The following PTPRN2 variants were observed in gnomAD, a reference collection of about 807,000 sequenced individuals.
The protein encoded by PTPRN2 is protein tyrosine phosphatase receptor type N2.
In PTPRN2, 74 loss-of-function variants were observed where a neutral mutation model predicts 118.8. That is an observed-to-expected ratio of 0.62 (90% CI 0.52 to 0.76). The LOEUF (loss-of-function observed/expected upper bound fraction) is 0.76. Ranked by LOEUF, PTPRN2 falls within the 30% of genes least tolerant of loss-of-function variation. The probability of loss-of-function intolerance (pLI) is 0.00; values close to 1 mark genes in which losing one functional copy is unlikely to be tolerated. For missense variants in PTPRN2, 1,481 were observed against 1,394.4 expected (o/e 1.06, Z -0.99); for synonymous variants, 641 against 608.0 (o/e 1.05, Z -0.80).
At chr7:157,721,074 G>T (rs571655684) in intron 12 of PTPRN2, among the ~76,000 whole-genome samples, 1 of 152,226 alleles carries the variant, frequency 6.6e-6, no homozygotes, top group Non-Finnish European at 1.5e-5. Context: ...CAGCCGTGGT[G>T]TGTGTGCTCT....
At chr7:158,575,662 G>A (rs1055781181) in intron 1 of PTPRN2, among the ~76,000 whole-genome samples, 3 of 152,124 alleles carry the variant, frequency 2.0e-5, no homozygotes, top group East Asian at 1.9e-4. Context: ...CAATGTGCCC[G>A]GCCAGGTTTT....
intron 11 of PTPRN2, among the ~76,000 whole-genome samples, chr7:157,950,508 T>C (rs2164216): frequency 0.52 from 79,433 of 151,874 alleles, 21,676 homozygotes; most frequent in East Asian, 0.67. Flanking sequence ...CTGCTGGTCT[T>C]GTCCTGCTCT....
In PTPRN2 at chr7:157,869,680, G is replaced by C. The variant is rs193243625; in HGVS notation, c.1788+28993C>G. Among the ~76,000 whole-genome samples, 6 of 152,274 alleles carry C rather than the reference G, an allele frequency of 3.9e-5. No homozygotes were observed. The highest frequency in any genetic ancestry group is 1.2e-4 in the African/African-American group (5 of 41,552). On this transcript the variant is annotated intron_variant, in intron 12 of 22. Transcript: ENST00000389418. This position sits in a 1 kb window ranked among gnomAD's most constrained non-coding sequence, Gnocchi z 4.2. ...GAGAAGGAGCCAAACCAGGACTGTA[G>C]GGGGATGCCTCATGAGTTCTCATCG...
intron 2 of PTPRN2, among the ~76,000 whole-genome samples, chr7:158,403,655 C>G (rs886495723): frequency 7.2e-5 from 11 of 152,176 alleles, no homozygotes; most frequent in African/African-American, 2.4e-4. Context: ...GGGCAGCAGG[C>G]AGGCAGTGCG....
chr7:158,033,369 T>C (rs956207136), intron 11 of PTPRN2, among the ~76,000 whole-genome samples: 2 of 152,198 alleles, frequency 1.3e-5, no homozygotes, highest in African/African-American at 4.8e-5. Flanking sequence ...ATAAGGAGTT[T>C]GGCTAGCCTT....
At position 157,777,329 on chromosome 7, in the gene PTPRN2, A is replaced by G. The variant is rs117356176; in HGVS notation, c.1789-94392T>C. On this transcript the variant is annotated intron_variant, in intron 12 of 22. Transcript: ENST00000389418. The stretch of plus-strand genomic sequence containing the variant: ...CCATGCACTGTGACTTCCTGATGCC[A>G]GAGGACACGCAGTGCCCCACACTGC... Among the ~76,000 whole-genome samples, 78 of 144,830 alleles carry G rather than the reference A, an allele frequency of 5.4e-4. 1 individual carries two copies. The South Asian group carries it at 8.4e-3, about 16-fold the overall frequency.
At chr7:157,713,777 A>G (rs1364387611) in intron 12 of PTPRN2, among the ~76,000 whole-genome samples, 1 of 152,214 alleles carries the variant, frequency 6.6e-6, no homozygotes, top group Admixed American at 6.5e-5. Context: ...TTTGCTACGG[A>G]CACGGAGCCA....
intron 12 of PTPRN2, among the ~76,000 whole-genome samples, chr7:157,725,684 C>T (rs1472926246): frequency 5.0e-5 from 6 of 120,506 alleles, no homozygotes; most frequent in African/African-American, 1.7e-4. Flanking sequence ...GCCAGACCCT[C>T]GCCTCCCAGG....
At chr7:158,299,392 G>C (rs1459124813) in intron 3 of PTPRN2, among the ~76,000 whole-genome samples, 1 of 151,540 alleles carries the variant, frequency 6.6e-6, no homozygotes, top group Non-Finnish European at 1.5e-5. Flanking sequence ...CTGCCTCCCA[G>C]GTTCAAGCAA....
intron 4 of PTPRN2, among the ~76,000 whole-genome samples, chr7:158,195,053 T>C (rs921486158): frequency 2.6e-5 from 4 of 152,200 alleles, no homozygotes; most frequent in Admixed American, 6.5e-5. Context: ...CCTTCGCGTG[T>C]TCTCTCATTG....
intron 3 of PTPRN2, among the ~76,000 whole-genome samples, chr7:158,283,586 C>A (rs1024340246): frequency 6.6e-6 from 1 of 152,140 alleles, no homozygotes; most frequent in African/African-American, 2.4e-5. Context: ...GCTGTGGCCA[C>A]CCGCCGGGGT....
At chr7:158,514,817 A>G (rs189614941) in intron 1 of PTPRN2, among the ~76,000 whole-genome samples, 1 of 152,322 alleles carries the variant, frequency 6.6e-6, no homozygotes, top group East Asian at 1.9e-4. Flanking sequence ...AACATCTCGC[A>G]GATGTAACAG....
intron 9 of PTPRN2, among the ~76,000 whole-genome samples, chr7:158,129,890 A>C (rs779653214): frequency 7.2e-5 from 11 of 152,206 alleles, no homozygotes; most frequent in Non-Finnish European, 1.5e-4. Flanking sequence ...ACAGACAGAC[A>C]CGTGGGACGC....
chr7:157,695,337 G>T lies in PTPRN2; in HGVS notation c.1789-12400C>A, dbSNP rs145077194. Among the ~76,000 whole-genome samples, 774 of 152,166 alleles carry T rather than the reference G, an allele frequency of 5.1e-3. 5 individuals are homozygous for T. The Middle Eastern group carries it at 0.054, about 11-fold the overall frequency. ...GATTTAAAAAACACCTGAGACTCTTGATTTCAGAAGTCTAAATCAATTTTG... is the reference window on the plus strand; with the variant it reads ...GATTTAAAAAACACCTGAGACTCTTTATTTCAGAAGTCTAAATCAATTTTG... On this transcript the variant is annotated intron_variant, in intron 12 of 22. Coordinates refer to ENST00000389418, the MANE Select transcript of PTPRN2 (RefSeq NM_002847.5).
At chr7:158,313,219 C>T (rs1802018019) in intron 3 of PTPRN2, among the ~76,000 whole-genome samples, 1 of 152,198 alleles carries the variant, frequency 6.6e-6, no homozygotes, top group Non-Finnish European at 1.5e-5. Flanking sequence ...GGACTAGACA[C>T]ACCAATGGCC....
At chr7:158,013,762 CT>C (rs1806229283) in intron 11 of PTPRN2, among the ~76,000 whole-genome samples, 3 of 1,642 alleles carry the variant, frequency 1.8e-3, no homozygotes, top group East Asian at 0.05. Flanking sequence ...CATCCATCCA[CT>C]CATCCACCTA....
At chr7:158,308,055 TAATA>T (rs888233624) in intron 3 of PTPRN2, among the ~76,000 whole-genome samples, 13 of 152,220 alleles carry the variant, frequency 8.5e-5, no homozygotes, top group African/African-American at 3.1e-4. Context: ...CAGATACCTG[TAATA>T]AATAAATTCC....
At chr7:157,750,756 T>C (rs906250274) in intron 12 of PTPRN2, among the ~76,000 whole-genome samples, 39 of 152,354 alleles carry the variant, frequency 2.6e-4, no homozygotes, top group African/African-American at 9.4e-4. Flanking sequence ...AATTCTTAAA[T>C]GTACCGCAGC....
At chr7:158,293,553 G>A (rs1398433141) in intron 3 of PTPRN2, among the ~76,000 whole-genome samples, 1 of 151,880 alleles carries the variant, frequency 6.6e-6, no homozygotes, top group Non-Finnish European at 1.5e-5. Flanking sequence ...TCCAGCCTAG[G>A]TGACAGAGCA....
Sources: allele counts gnomAD v4.1 joint callset (sites outside exome capture counted in the v4.1 genomes callset), GRCh38; gene constraint gnomAD v4.1.1; non-coding constraint Gnocchi (gnomAD v3.1); transcripts MANE v1.5; gene names NCBI Gene and HGNC (gene_info 2026-07-23, HGNC 2026-07-21).